Variants in NEK11 observed in about 807,000 individuals in gnomAD.
NEK11 encodes the protein serine/threonine-protein kinase Nek11.
A neutral mutation model predicts 80.7 loss-of-function variants in NEK11; 72 were observed. The ratio of observed to expected loss-of-function variants is 0.89; its 90% CI spans 0.74 to 1.08. NEK11 has a LOEUF of 1.08. Among genes scored for constraint, NEK11 ranks in the 50% least tolerant of loss-of-function variants. NEK11 has a pLI of 0.00. For missense variants in NEK11, 764 were observed against 763.6 expected (o/e 1.00, Z -0.01); for synonymous variants, 251 against 260.7 (o/e 0.96, Z 0.36).
At position 131,235,742 on chromosome 3, in the gene NEK11, T is replaced by C. The variant is rs571503684; in HGVS notation, c.1560+7054T>C. Among the ~76,000 whole-genome samples the C allele has an allele frequency of 1.5e-3, 233 of 152,306 alleles. 3 individuals are homozygous for C. The highest frequency in any genetic ancestry group is 4.3e-4 in the Non-Finnish European group (29 of 68,026). On this transcript the variant is annotated intron_variant, in intron 15 of 17. Coordinates refer to ENST00000383366, the MANE Select transcript of NEK11 (RefSeq NM_024800.5). ...TCAATGCAATTAACATCTCTCACCA[T>C]TTACAAATGAGAAGACTATGAAACA...
chr3:131,286,974 T>C (rs1454822608), intron 17 of NEK11, among the ~76,000 whole-genome samples: 1 of 152,192 alleles, frequency 6.6e-6, no homozygotes, highest in African/African-American at 2.4e-5. Context: ...CCAGAAGCAC[T>C]CTGGGTAGAG....
chr3:131,222,424 A>G (rs192213275), intron 14 of NEK11, among the ~76,000 whole-genome samples: 1 of 152,320 alleles, frequency 6.6e-6, no homozygotes, highest in African/African-American at 2.4e-5. Flanking sequence ...AAATGCACAC[A>G]AATATAAAGA....
chr3:131,314,394 G>A (rs537632529), intron 17 of NEK11, among the ~76,000 whole-genome samples: 16 of 152,252 alleles, frequency 1.1e-4, no homozygotes, highest in Admixed American at 9.8e-4. Context: ...AATCCTCTAT[G>A]CTTAAGAATG....
In NEK11 at chr3:131,291,467, T is replaced by C. The variant is rs950630716; in HGVS notation, c.1718+17893T>C. On this transcript the variant is annotated intron_variant, in intron 17 of 17. Transcript: ENST00000383366. The stretch of plus-strand genomic sequence containing the variant: ...CAAGGAGTGTGATTACAGAATCATA[T>C]GGTAAAAATATGTGCAGTTTTGTAA... 3.9e-5 allele frequency among the ~76,000 whole-genome samples: 6 copies of C among 152,150 alleles called. No individual in the cohort carries two copies. In the East Asian group the frequency reaches 7.7e-4, roughly 19 times the overall value.
intron 14 of NEK11, among the ~76,000 whole-genome samples, chr3:131,194,565 G>A (rs1431201318): frequency 1.3e-5 from 2 of 151,894 alleles, no homozygotes; most frequent in Non-Finnish European, 2.9e-5. Flanking sequence ...TTTGAGTGAA[G>A]CCACACAATA....
At chr3:131,324,706 G>A (rs1441378356) in intron 17 of NEK11, among the ~76,000 whole-genome samples, 1 of 152,130 alleles carries the variant, frequency 6.6e-6, no homozygotes, top group Non-Finnish European at 1.5e-5. Context: ...AAAGCAAGGG[G>A]CTTATTTTTA....
At chr3:131,075,009 A>G (rs1355540431) in intron 3 of NEK11, among the ~76,000 whole-genome samples, 1 of 152,116 alleles carries the variant, frequency 6.6e-6, no homozygotes, top group Non-Finnish European at 1.5e-5. Context: ...GAAGCGTGAG[A>G]TTTCCTGTCT....
intron 3 of NEK11, among the ~76,000 whole-genome samples, chr3:131,080,141 G>C (rs2075028695): frequency 2.0e-5 from 3 of 152,040 alleles, no homozygotes; most frequent in Admixed American, 2.0e-4. Flanking sequence ...AACATCTAGA[G>C]AGGTGGAGGA....
intron 17 of NEK11, among the ~76,000 whole-genome samples, chr3:131,293,760 A>T (rs2096567467): frequency 6.6e-6 from 1 of 152,124 alleles, no homozygotes; most frequent in Admixed American, 6.5e-5. Flanking sequence ...TTAATTATTG[A>T]TTCAATTTAT....
intron 3 of NEK11, among the ~76,000 whole-genome samples, chr3:131,049,321 G>A (rs547481800): frequency 4.6e-5 from 7 of 152,256 alleles, no homozygotes; most frequent in Admixed American, 3.9e-4. Context: ...TGCAGTTTTT[G>A]TACCAATTAG....
At chr3:131,145,760 T>C (rs1301206146) in intron 7 of NEK11, among the ~76,000 whole-genome samples, 1 of 152,118 alleles carries the variant, frequency 6.6e-6, no homozygotes, top group Non-Finnish European at 1.5e-5. Flanking sequence ...CCCAGCTTTA[T>C]GACCTACTCA....
chr3:131,137,340 G>A (rs986924490), intron 7 of NEK11, among the ~76,000 whole-genome samples: 1 of 152,166 alleles, frequency 6.6e-6, no homozygotes, highest in African/African-American at 2.4e-5. Context: ...GGACAGGGAA[G>A]GGATGGGGAC....
At chr3:131,262,686 T>G (rs1283838842) in intron 16 of NEK11, among the ~76,000 whole-genome samples, 1 of 152,234 alleles carries the variant, frequency 6.6e-6, no homozygotes, top group East Asian at 1.9e-4. Context: ...TATTATACTT[T>G]AAGATCTGGG....
intron 7 of NEK11, among the ~76,000 whole-genome samples, chr3:131,146,898 C>T (rs1042580354): frequency 1.3e-5 from 2 of 151,902 alleles, no homozygotes; most frequent in African/African-American, 4.8e-5. Flanking sequence ...TTTCTTATTG[C>T]TTTATAGAAG....
intron 5 of NEK11, among the ~76,000 whole-genome samples, chr3:131,110,298 A>G (rs1429405984): frequency 6.6e-6 from 1 of 152,134 alleles, no homozygotes; most frequent in African/African-American, 2.4e-5. Flanking sequence ...TATGCCACAA[A>G]TGAATTGTGT....
rs1469585992 is a variant in NEK11, at chr3:131,350,307, G to A, written c.*531G>A. On this transcript the variant is annotated 3_prime_UTR_variant, in exon 18 of 18. Transcript: ENST00000383366. ...CATGACTAATAAGGAAGATATGTGT[G>A]TATTTCATACACACACAAGGACCTG... 6.5e-6 allele frequency: 1 copy of A among 152,990 alleles called. No homozygotes were observed. Among genetic ancestry groups the A allele is most frequent in the Non-Finnish European group, 1.5e-5 (1 of 68,768 alleles). 9.5% of individuals were successfully genotyped at this position (152,990 alleles called of 1,614,324 possible). A position where few individuals can be genotyped will look rare whatever the true frequency, so the allele number is the denominator to read the frequency against.
At chr3:131,064,484 G>A (rs1055247073) in intron 3 of NEK11, among the ~76,000 whole-genome samples, 1 of 152,076 alleles carries the variant, frequency 6.6e-6, no homozygotes, top group Admixed American at 6.6e-5. Context: ...GGCCCACTCT[G>A]CTGGCCTCAT....
At chr3:131,084,564 G>C (rs879715396) in intron 4 of NEK11, among the ~76,000 whole-genome samples, 7 of 152,214 alleles carry the variant, frequency 4.6e-5, no homozygotes, top group Non-Finnish European at 1.0e-4. Flanking sequence ...TAAATTAGTA[G>C]ACACACTAGA....
intron 17 of NEK11, among the ~76,000 whole-genome samples, chr3:131,312,268 T>C (rs1403075979): frequency 6.6e-6 from 1 of 152,214 alleles, no homozygotes; most frequent in African/African-American, 2.4e-5. Context: ...AATTTAGTCA[T>C]CTATAAAATG....
Sources: allele counts gnomAD v4.1 joint callset (sites outside exome capture counted in the v4.1 genomes callset), GRCh38; gene constraint gnomAD v4.1.1; transcripts MANE v1.5; gene names NCBI Gene and HGNC (gene_info 2026-07-23, HGNC 2026-07-21).